The following PHAX variants were observed in gnomAD, a reference collection of about 807,000 sequenced individuals.
PHAX encodes phosphorylated adaptor for RNA export, also known as phosphorylated adapter RNA export protein.
A neutral mutation model predicts 41.6 loss-of-function variants in PHAX; 31 were observed. That is an observed-to-expected ratio of 0.75 (90% CI 0.56 to 1.01). PHAX has a LOEUF of 1.01. PHAX is among the 50% of genes least tolerant of loss of function. PHAX has a pLI of 0.00. For synonymous variants in PHAX, 175 were observed against 164.9 expected (o/e 1.06, Z -0.47); for missense variants, 453 against 472.9 (o/e 0.96, Z 0.39).
At chr5:126,618,595 TCTC>T (rs1256924100) in intron 4 of PHAX, among the ~76,000 whole-genome samples, 1 of 151,952 alleles carries the variant, frequency 6.6e-6, no homozygotes, top group East Asian at 1.9e-4. Context: ...ATTTGTTGTA[TCTC>T]CTCCTGTATT....
chr5:126,604,846 C>T (rs1003165518), intron 2 of PHAX, among the ~76,000 whole-genome samples: 3 of 152,066 alleles, frequency 2.0e-5, no homozygotes, highest in South Asian at 4.2e-4. Context: ...CCAGCCTGGC[C>T]GACACAGTGA....
At chr5:126,612,302 A>G (rs1184025027) in intron 3 of PHAX, among the ~76,000 whole-genome samples, 2 of 152,198 alleles carry the variant, frequency 1.3e-5, no homozygotes, top group African/African-American at 2.4e-5. Flanking sequence ...ATAAGGTCAG[A>G]GAGATAATTG....
chr5:126,619,001 C>T (rs1389713728), intron 4 of PHAX, among the ~76,000 whole-genome samples: 2 of 152,128 alleles, frequency 1.3e-5, no homozygotes, highest in African/African-American at 2.4e-5. Flanking sequence ...TGCATCATCA[C>T]AGCTCACTGC....
chr5:126,624,717 C>CT lies in PHAX; in HGVS notation c.1062dup (p.Ala355CysfsTer3), dbSNP rs1425688791. ...GAAGATGATGATACATCACGAGAAA[C>CT]TTTTGCAAGTGACACGAATGAGGCC... is the stretch of plus-strand genomic sequence containing the variant. On this transcript the variant is annotated frameshift_variant, in exon 5 of 5. Coordinates refer to ENST00000297540, the MANE Select transcript of PHAX (RefSeq NM_032177.4). LOFTEE classifies it high-confidence loss of function. 3 of 1,614,044 alleles carry CT rather than the reference C, an allele frequency of 1.9e-6. No individual in the cohort carries two copies. The Admixed American group carries it at 5.0e-5, about 27-fold the overall frequency.
chr5:126,609,095 ATTTTTTTTTTT>A (rs761125079), intron 3 of PHAX, among the ~76,000 whole-genome samples: 1 of 101,256 alleles, frequency 9.9e-6, no homozygotes, highest in Admixed American at 1.2e-4. Context: ...TAGGGGTTGA[ATTTTTTTTTTT>A]TTTTTTTTTT....
chr5:126,600,960 A>G lies in PHAX; in HGVS notation c.-3A>G, dbSNP rs1010603900. On this transcript the variant is annotated 5_prime_UTR_variant, in exon 1 of 5. Coordinates refer to ENST00000297540, the MANE Select transcript of PHAX (RefSeq NM_032177.4). ...GCTGTGCAGCGCAGCGCACCGCGGG[A>G]AGATGGCGTTGGAGGTCGGCGATAT... 6.2e-7 allele frequency: 1 copy of G among 1,602,686 alleles called. No homozygotes were observed. Among genetic ancestry groups the G allele is most frequent in the Non-Finnish European group, 8.5e-7 (1 of 1,174,488 alleles).
intron 4 of PHAX, among the ~76,000 whole-genome samples, chr5:126,621,411 C>A (rs1439842460): frequency 6.6e-6 from 1 of 152,098 alleles, no homozygotes; most frequent in Admixed American, 6.6e-5. Flanking sequence ...TAGTCTCAAA[C>A]TCCTGGCCTT....
intron 4 of PHAX, among the ~76,000 whole-genome samples, chr5:126,619,469 G>A (rs898553856): frequency 6.6e-6 from 1 of 151,788 alleles, no homozygotes; most frequent in Non-Finnish European, 1.5e-5. Context: ...CCTGCTACTC[G>A]GGAGGCTGAC....
At chr5:126,601,918 C>T (rs1344916965) in intron 1 of PHAX, among the ~76,000 whole-genome samples, 5 of 152,166 alleles carry the variant, frequency 3.3e-5, no homozygotes, top group African/African-American at 4.8e-5. Context: ...CGGCCTGCCT[C>T]GGCCTCCAAA....
chr5:126,621,069 C>CT lies in PHAX; in HGVS notation c.916-3505dup, dbSNP rs760769511. 3.8e-4 allele frequency among the ~76,000 whole-genome samples: 58 copies of CT among 152,042 alleles called. 1 individual carries two copies. The highest frequency in any genetic ancestry group is 1.9e-4 in the Non-Finnish European group (13 of 68,004). Reference sequence around the variant, plus strand: ...CTTTTTAAAAAGAGACGGTTTCACTCTGTCACCCAGGTCTCACATTATGTT... The same window carrying CT: ...CTTTTTAAAAAGAGACGGTTTCACTCTTGTCACCCAGGTCTCACATTATGTT... On this transcript the variant is annotated intron_variant, in intron 4 of 4. Transcript: ENST00000297540.
rs776976258 is a variant in PHAX at position 126,624,794 on chromosome 5, G to T, written c.1135G>T (p.Ala379Ser). ...QEGHAEAKLE[A>S]EEAIEVDHSH... The stretch of plus-strand genomic sequence containing the variant: ...AGGACATGCAGAAGCCAAGTTGGAG[G>T]CAGAGGAAGCCATTGAAGTTGATCA... The change falls in exon 5 of 5, where the codon GCA becomes TCA. Residue 379 changes from alanine to serine, a missense_variant. Coordinates refer to ENST00000297540, the MANE Select transcript of PHAX (RefSeq NM_032177.4). 4.3e-6 allele frequency: 7 copies of T among 1,613,374 alleles called. No homozygotes were observed. The highest frequency in any genetic ancestry group is 5.9e-6 in the Non-Finnish European group (7 of 1,179,846).
rs138901426 is a variant in PHAX at position 126,604,154 on chromosome 5, A to G, written c.681A>G (p.Gln227=). Residue 227 remains glutamine (Q), a synonymous_variant, in exon 2 of 5, where the codon CAA becomes CAG. Transcript: ENST00000297540. Reference sequence around the variant, plus strand: ...ACGAGATCACAGCGGAAGATTCTCAAGAGAAAGTGGCTGATGAAATTTCAT... The same window carrying G: ...ACGAGATCACAGCGGAAGATTCTCAGGAGAAAGTGGCTGATGAAATTTCAT... ...GRYEITAEDS[Q]EKVADEISFR... 80 of 1,541,068 alleles carry G rather than the reference A, an allele frequency of 5.2e-5. No homozygotes were observed. The African/African-American group carries it at 9.9e-4, about 19-fold the overall frequency.
intron 3 of PHAX, among the ~76,000 whole-genome samples, chr5:126,613,007 T>C (rs1040142131): frequency 6.6e-6 from 1 of 152,144 alleles, no homozygotes; most frequent in Non-Finnish European, 1.5e-5. Flanking sequence ...CTATTTAACA[T>C]GAACATGGAA....
Position 126,609,095 on chromosome 5 carries a change from A to ATTTTTTTTTTTTTTTTTTTTTTTTT in PHAX, c.831+634_831+635insTTTTTTTTTTTTTTTTTTTTTTTTT, listed in dbSNP as rs761125079. On this transcript the variant is annotated intron_variant, in intron 3 of 4. Transcript: ENST00000297540. Reference sequence around the variant, plus strand: ...ATGATTTGTTAAAGGTAGGGGTTGAATTTTTTTTTTTTTTTTTTTTTTTGA... The same window carrying ATTTTTTTTTTTTTTTTTTTTTTTTT: ...ATGATTTGTTAAAGGTAGGGGTTGAATTTTTTTTTTTTTTTTTTTTTTTTTTTTTTTTTTTTTTTTTTTTTTTTGA... Among the ~76,000 whole-genome samples the ATTTTTTTTTTTTTTTTTTTTTTTTT allele has an allele frequency of 6.9e-5, 7 of 101,236 alleles. 2 individuals carry two copies. Among genetic ancestry groups the ATTTTTTTTTTTTTTTTTTTTTTTTT allele is most frequent in the African/African-American group, 3.3e-4 (7 of 21,000 alleles). The allele number at this position is 101,236 out of a possible 152,430, so 66.4% of individuals were successfully genotyped here.
At chr5:126,623,935 G>A (rs528578316) in intron 4 of PHAX, among the ~76,000 whole-genome samples, 2 of 151,472 alleles carry the variant, frequency 1.3e-5, no homozygotes, top group Non-Finnish European at 2.9e-5. Context: ...TTTTAGTACA[G>A]GTTGACAATC....
At chr5:126,603,541 A>C (rs777942663) in intron 1 of PHAX, 29 bp from the exon 2 acceptor site, 1 of 1,569,442 alleles carries the variant, frequency 6.4e-7, no homozygotes, top group Non-Finnish European at 8.6e-7. Flanking sequence ...GTGTTTTGTG[A>C]AATTGATTGT....
rs374673948 is a variant in PHAX, at chr5:126,608,418, C to G, written c.765C>G (p.Asn255Lys). The G allele has an allele frequency of 6.2e-7, 1 of 1,613,782 alleles. No homozygotes were observed. Among genetic ancestry groups the G allele is most frequent in the South Asian group, 1.1e-5 (1 of 91,082 alleles). The part of the protein sequence containing the change: ...LIARVVRIIG[N>K]KKAIELLMET... ...CCCGAGTAGTGAGGATTATTGGTAA[C>G]AAAAAGGCAATTGAACTTCTGATGG... The change falls in exon 3 of 5, where the codon AAC (asparagine) becomes AAG (lysine). Residue 255 changes from asparagine (N) to lysine (K), a missense_variant. Physicochemically the swap from Asn to Lys is moderately conservative, Grantham distance 94 (BLOSUM62 0). Transcript: ENST00000297540.
intron 1 of PHAX, among the ~76,000 whole-genome samples, chr5:126,601,306 A>G (rs931275583): frequency 6.6e-6 from 1 of 152,102 alleles, no homozygotes; most frequent in Non-Finnish European, 1.5e-5. Flanking sequence ...TGGCCGTGCG[A>G]ACCCCGAACT....
chr5:126,608,911 T>C (rs931714014), intron 3 of PHAX, among the ~76,000 whole-genome samples: 2 of 148,962 alleles, frequency 1.3e-5, no homozygotes, highest in African/African-American at 5.0e-5. Flanking sequence ...CACTCCATCC[T>C]GGGCAACAGG....
Sources: allele counts gnomAD v4.1 joint callset (sites outside exome capture counted in the v4.1 genomes callset), GRCh38; gene constraint gnomAD v4.1.1; transcripts MANE v1.5; gene names NCBI Gene and HGNC (gene_info 2026-07-23, HGNC 2026-07-21).